Variants in YTHDC2 observed in about 807,000 individuals in gnomAD.
YTHDC2 encodes the protein 3'-5' RNA helicase YTHDC2.
YTHDC2 carries 45 observed loss-of-function variants against 174.9 expected under a neutral mutation model. The observed-to-expected ratio is 0.26, with a 90% CI of 0.20 to 0.33. The LOEUF (loss-of-function observed/expected upper bound fraction) is 0.33. Ranked by LOEUF, YTHDC2 falls within the 10% of genes least tolerant of loss-of-function variation. YTHDC2 has a pLI of 1.00. For synonymous variants in YTHDC2, 657 were observed against 574.5 expected, an observed-to-expected ratio of 1.14 and a Z score of -2.05; for missense variants, 1,650 against 1,723.7, an observed-to-expected ratio of 0.96 and a Z score of 0.76.
intron 2 of YTHDC2, among the ~76,000 whole-genome samples, chr5:113,518,509 A>T (rs963509449): frequency 2.0e-5 from 3 of 151,744 alleles, no homozygotes; most frequent in Admixed American, 6.6e-5. Context: ...GCCGATTTTT[A>T]AAAAAATAAT....
chr5:113,551,552 G>T (rs973056612), intron 12 of YTHDC2, among the ~76,000 whole-genome samples: 1 of 151,894 alleles, frequency 6.6e-6, no homozygotes, highest in African/African-American at 2.4e-5. Context: ...AAATTTATAA[G>T]AGCTGAGAAC....
At chr5:113,585,344 G>A (rs1561708829) in intron 26 of YTHDC2, among the ~76,000 whole-genome samples, 1 of 152,156 alleles carries the variant, frequency 6.6e-6, no homozygotes, top group Non-Finnish European at 1.5e-5. Flanking sequence ...CTAAGTATTT[G>A]ATTAGGGGTT....
chr5:113,563,941 G>C lies in YTHDC2; in HGVS notation c.2525G>C (p.Gly842Ala), dbSNP rs1190560066. ...LADLPVEPHL[G>A]KMVLCAVVLK... ...GACTTGCCAGTAGAACCACATCTTG[G>C]TAAAATGGTCTTGTGTGCTGTTGTT... The change falls in exon 20 of 30, where the codon GGT (glycine) becomes GCT (alanine). Residue 842 changes from glycine to alanine, a missense_variant. Gly to Ala is a moderately conservative substitution (Grantham distance 60). Transcript: ENST00000161863. 1 of 1,614,118 alleles carries C rather than the reference G, an allele frequency of 6.2e-7. No homozygotes were observed. The highest frequency in any genetic ancestry group is 1.7e-5 in the Admixed American group (1 of 60,008).
intron 2 of YTHDC2, among the ~76,000 whole-genome samples, chr5:113,517,045 A>C (rs1037033307): frequency 7.9e-5 from 12 of 152,204 alleles, no homozygotes; most frequent in Non-Finnish European, 1.6e-4. Flanking sequence ...ACTTGGGCTA[A>C]ATATATTTGA....
At chr5:113,565,797 G>T (rs3763139) in intron 20 of YTHDC2, 96 bp from the exon 21 acceptor site, 4 of 1,289,310 alleles carry the variant, frequency 3.1e-6, no homozygotes, top group Non-Finnish European at 4.1e-6. Context: ...GCAAATTCAC[G>T]TCGAGGAATT....
intron 10 of YTHDC2, among the ~76,000 whole-genome samples, chr5:113,542,861 G>C (rs1010713256): frequency 6.6e-6 from 1 of 152,088 alleles, no homozygotes; most frequent in Non-Finnish European, 1.5e-5. Context: ...TTCACCTGAA[G>C]CCCTCAGCAT....
chr5:113,520,188 A>G (rs1773767667), intron 2 of YTHDC2, among the ~76,000 whole-genome samples: 1 of 152,090 alleles, frequency 6.6e-6, no homozygotes, highest in African/African-American at 2.4e-5. Context: ...GCTGAGGATG[A>G]TGGTTTCCAG....
Position 113,525,130 on chromosome 5 carries a change from A to G in YTHDC2, c.428A>G (p.Glu143Gly). Residue 143 changes from glutamate (E) to glycine (G), a missense_variant, in exon 3 of 30, where the codon GAA becomes GGA. By Grantham distance (98) the Glu-to-Gly change is moderately conservative. Around this residue, in one of 5 missense-constraint regions of YTHDC2, gnomAD observed 304 missense variants for 341.4 expected, o/e 0.89. Coordinates refer to ENST00000161863, the MANE Select transcript of YTHDC2 (RefSeq NM_022828.5). The stretch of plus-strand genomic sequence containing the variant: ...CCTGTCACCAATAAAGAGCGTACAG[A>G]ACTTCTGCCTAAAACAGAAAGAGGA... ...RFPVTNKERTELLPKTERGNV... is the reference protein window; with the variant it reads ...RFPVTNKERTGLLPKTERGNV... 2 of 1,608,712 alleles carry G rather than the reference A, an allele frequency of 1.2e-6. No individual in the cohort carries two copies. Among genetic ancestry groups the G allele is most frequent in the Non-Finnish European group, 8.5e-7 (1 of 1,177,828 alleles).
Position 113,592,191 on chromosome 5 carries a change from ATT to A in YTHDC2, c.4212+23_4212+24del, listed in dbSNP as rs113314175. 151 of 1,382,726 alleles carry A rather than the reference ATT, an allele frequency of 1.1e-4. 1 individual carries two copies. The highest frequency in any genetic ancestry group is 1.6e-4 in the African/African-American group (11 of 66,820). 85.7% of individuals were successfully genotyped at this position (1,382,726 alleles called of 1,614,324 possible). A position where few individuals can be genotyped will look rare whatever the true frequency, so the allele number is the denominator to read the frequency against. The stretch of plus-strand genomic sequence containing the variant: ...CAGGGATGGGCAGGTATACAATGGC[ATT>A]TTTTTTTTTATTTACTTTTGTTTCT... On this transcript the variant is annotated intron_variant, in intron 28 of 29. Transcript: ENST00000161863.
chr5:113,557,778 C>T (rs909846168), intron 17 of YTHDC2, among the ~76,000 whole-genome samples: 29 of 151,900 alleles, frequency 1.9e-4, no homozygotes, highest in African/African-American at 5.6e-4. Context: ...CCAGCCGGAG[C>T]GACAGAGCCA....
Position 113,514,267 on chromosome 5 carries a change from G to A in YTHDC2, c.187+185G>A, listed in dbSNP as rs543485309. 104 of 743,610 alleles carry A rather than the reference G, an allele frequency of 1.4e-4. 1 individual carries two copies. The East Asian group carries it at 2.3e-3, about 17-fold the overall frequency. The allele number at this position is 743,610 out of a possible 1,614,324, so 46.1% of individuals were successfully genotyped here. A position where few individuals can be genotyped will look rare whatever the true frequency, so the allele number is the denominator to read the frequency against. ...GAACGCGGCTGTTGGCCCTGCGGTG[G>A]AATGCGAGGTGCTCTGCGGATCAAT... On this transcript the variant is annotated intron_variant, in intron 1 of 29. Transcript: ENST00000161863.
chr5:113,588,177 C>G (rs563074176), intron 26 of YTHDC2, among the ~76,000 whole-genome samples: 1 of 152,088 alleles, frequency 6.6e-6, no homozygotes, highest in African/African-American at 2.4e-5. Context: ...TTTTCCTTTT[C>G]AATCTGATTG....
At position 113,538,552 on chromosome 5, in the gene YTHDC2, A is replaced by G. The variant is rs140186524; in HGVS notation, c.1103-522A>G. ...TTTGCACATGCTGTTTTTCATCATCATTATACACTTTTTATTCTTTTCATA... is the reference window on the plus strand; with the variant it reads ...TTTGCACATGCTGTTTTTCATCATCGTTATACACTTTTTATTCTTTTCATA... On this transcript the variant is annotated intron_variant, in intron 7 of 29. Transcript: ENST00000161863. Among the ~76,000 whole-genome samples, 472 of 152,142 alleles carry G rather than the reference A, an allele frequency of 3.1e-3. 6 individuals carry two copies. The highest frequency in any genetic ancestry group is 2.1e-3 in the Non-Finnish European group (141 of 67,972).
At chr5:113,538,797 T>A (rs1775257352) in intron 7 of YTHDC2, among the ~76,000 whole-genome samples, 1 of 152,152 alleles carries the variant, frequency 6.6e-6, no homozygotes, top group South Asian at 2.1e-4. Context: ...CTCTGTTTCC[T>A]CTTACAATTT....
chr5:113,592,136 A>T lies in YTHDC2; in HGVS notation c.4170A>T (p.Pro1390=). 1.2e-6 allele frequency: 2 copies of T among 1,612,956 alleles called. No homozygotes were observed. Among genetic ancestry groups the T allele is most frequent in the Non-Finnish European group, 1.7e-6 (2 of 1,179,446 alleles). ...PFQFAHHLLN[P]WNDNKKVQIS... ...AATTTGCACACCATTTACTCAATCCATGGAATGACAACAAGAAAGTGCAGA... is the reference window on the plus strand; with the variant it reads ...AATTTGCACACCATTTACTCAATCCTTGGAATGACAACAAGAAAGTGCAGA... The change falls in exon 28 of 30, where the codon CCA becomes CCT. Residue 1390 remains proline, a synonymous_variant. Coordinates refer to ENST00000161863, the MANE Select transcript of YTHDC2 (RefSeq NM_022828.5).
At chr5:113,584,773 C>CTTTTTTTTTTTTT (rs34217644) in intron 26 of YTHDC2, among the ~76,000 whole-genome samples, 1 of 95,734 alleles carries the variant, frequency 1.0e-5, no homozygotes, top group African/African-American at 4.4e-5. Flanking sequence ...CTTTCGAATC[C>CTTTTTTTTTTTTT]TTTTTTTTTT....
chr5:113,542,797 A>G (rs932101167), intron 10 of YTHDC2, among the ~76,000 whole-genome samples: 3 of 152,186 alleles, frequency 2.0e-5, no homozygotes, highest in Non-Finnish European at 4.4e-5. Flanking sequence ...TGTTGTGTAT[A>G]TACTCTTGTC....
At chr5:113,577,410 C>T (rs1252025635) in intron 23 of YTHDC2, among the ~76,000 whole-genome samples, 1 of 152,108 alleles carries the variant, frequency 6.6e-6, no homozygotes, top group African/African-American at 2.4e-5. Flanking sequence ...TGGTCTGTCC[C>T]TCAGGCTGAA....
chr5:113,563,606 A>G (rs1218767206), intron 19 of YTHDC2, 114 bp downstream of exon 19: 15 of 1,153,338 alleles, frequency 1.3e-5, no homozygotes, highest in Admixed American at 2.8e-5. Flanking sequence ...GTCCTCCTGC[A>G]TGTGTCCAGA....
Sources: gnomAD v4.1 joint callset for allele counts (sites outside exome capture counted in the v4.1 genomes callset) on GRCh38, gnomAD v4.1.1 for gene constraint, gnomAD v4.1.1 regional missense constraint, MANE v1.5 for transcripts, NCBI Gene and HGNC (gene_info 2026-07-23, HGNC 2026-07-21) for gene names.